FAM227B: variants seen among roughly 807,000 people sequenced by gnomAD.
FAM227B encodes the protein protein FAM227B.
A neutral mutation model predicts 73.8 loss-of-function variants in FAM227B; 88 were observed. The observed-to-expected ratio is 1.19, with a 90% confidence interval of 1.00 to 1.42. The LOEUF is 1.42. Ranked by LOEUF, FAM227B falls within the 40% of genes most tolerant of loss-of-function variation. The pLI, the probability that FAM227B is intolerant of heterozygous loss-of-function variation, is 0.00. For synonymous variants in FAM227B, 210 were observed against 190.5 expected (o/e 1.10, Z -0.84); for missense variants, 632 against 590.9 (o/e 1.07, Z -0.72).
intron 11 of FAM227B, among the ~76,000 whole-genome samples, chr15:49,462,840 GATAAATT>G (rs2151935241): frequency 1.3e-5 from 2 of 152,238 alleles, no homozygotes; most frequent in South Asian, 4.1e-4. Context: ...AAAGATTATT[GATAAATT>G]ATAAACGATA....
At chr15:49,513,289 C>A (rs1397332605) in intron 10 of FAM227B, among the ~76,000 whole-genome samples, 5 of 152,046 alleles carry the variant, frequency 3.3e-5, no homozygotes, top group African/African-American at 1.2e-4. Context: ...TTTCTAATAA[C>A]CACCATTCTG....
chr15:49,545,129 C>T (rs1014849803), intron 9 of FAM227B, among the ~76,000 whole-genome samples: 2 of 151,102 alleles, frequency 1.3e-5, no homozygotes, highest in African/African-American at 4.8e-5. Flanking sequence ...TCATCTGATC[C>T]TCAAACTTTT....
chr15:49,409,042 C>A (rs1393249613), intron 11 of FAM227B, among the ~76,000 whole-genome samples: 1 of 152,104 alleles, frequency 6.6e-6, no homozygotes, highest in Non-Finnish European at 1.5e-5. Context: ...TTTGATCTTT[C>A]TTCTTTTCTG....
chr15:49,528,659 T>A (rs935461307), intron 10 of FAM227B, among the ~76,000 whole-genome samples: 1 of 151,736 alleles, frequency 6.6e-6, no homozygotes, highest in Non-Finnish European at 1.5e-5. Flanking sequence ...CATTAAAAAG[T>A]GGGCAAAGGA....
At chr15:49,363,421 G>C (rs2151423756) in intron 13 of FAM227B, among the ~76,000 whole-genome samples, 1 of 152,248 alleles carries the variant, frequency 6.6e-6, no homozygotes. Flanking sequence ...TTGATTCTCA[G>C]CTTGGATGTT....
intron 13 of FAM227B, among the ~76,000 whole-genome samples, chr15:49,356,344 A>C (rs1022443544): frequency 6.6e-6 from 1 of 150,490 alleles, no homozygotes; most frequent in Non-Finnish European, 1.5e-5. Context: ...AACCCATCTC[A>C]TGTGCAGAGA....
At chr15:49,371,444 T>C (rs765648659) in intron 11 of FAM227B, 45 bp from the exon 12 acceptor site, 1 of 1,245,994 alleles carries the variant, frequency 8.0e-7, no homozygotes, top group South Asian at 1.3e-5. Flanking sequence ...GGTATTTTTT[T>C]CCTTCACAGA....
At chr15:49,597,563 G>C (rs1014118609) in intron 3 of FAM227B, among the ~76,000 whole-genome samples, 2 of 151,930 alleles carry the variant, frequency 1.3e-5, no homozygotes, top group African/African-American at 4.8e-5. Flanking sequence ...CAAGGAACCA[G>C]AGAAAACAGA....
intron 9 of FAM227B, among the ~76,000 whole-genome samples, chr15:49,552,838 T>A (rs1444269099): frequency 6.6e-6 from 1 of 152,168 alleles, no homozygotes; most frequent in African/African-American, 2.4e-5. Flanking sequence ...TATCTCTTTG[T>A]TAAGTTTATC....
At chr15:49,479,780 A>T (rs62009977) in intron 11 of FAM227B, among the ~76,000 whole-genome samples, 1 of 151,574 alleles carries the variant, frequency 6.6e-6, no homozygotes, top group Non-Finnish European at 1.5e-5. Flanking sequence ...TGCCTGGCTA[A>T]TTTTTGTATT....
chr15:49,578,130 C>A (rs1284698490), intron 5 of FAM227B, among the ~76,000 whole-genome samples: 1 of 152,186 alleles, frequency 6.6e-6, no homozygotes, highest in African/African-American at 2.4e-5. Context: ...AGTTCTAGAG[C>A]TGAAAGTATT....
At chr15:49,395,221 T>A (rs141045022) in intron 11 of FAM227B, among the ~76,000 whole-genome samples, 14 of 152,316 alleles carry the variant, frequency 9.2e-5, no homozygotes, top group African/African-American at 3.4e-4. Flanking sequence ...CTTTTTCTAT[T>A]GCTTTGTTTT....
chr15:49,370,164 T>C (rs2045714986), intron 12 of FAM227B, among the ~76,000 whole-genome samples: 1 of 152,192 alleles, frequency 6.6e-6, no homozygotes, highest in African/African-American at 2.4e-5. Context: ...ACCCAGTCCA[T>C]GGTATTTTGT....
At chr15:49,348,110 C>T (rs892069515) in intron 13 of FAM227B, among the ~76,000 whole-genome samples, 9 of 151,220 alleles carry the variant, frequency 6.0e-5, no homozygotes, top group African/African-American at 1.7e-4. Flanking sequence ...TAATTATGGG[C>T]CACAGATCAC....
At chr15:49,365,379 A>G (rs2044962604) in intron 13 of FAM227B, 2 of 1,255,182 alleles carry the variant, frequency 1.6e-6, no homozygotes, top group Non-Finnish European at 1.2e-6. Flanking sequence ...GAAACATAGT[A>G]TATATACGAA....
At chr15:49,588,360 C>G (rs905383332) in intron 4 of FAM227B, among the ~76,000 whole-genome samples, 52 of 150,164 alleles carry the variant, frequency 3.5e-4, no homozygotes, top group African/African-American at 1.3e-3. Flanking sequence ...TATGTCAATC[C>G]CTTCTCCTAA....
chr15:49,556,972 C>T (rs1009202191), intron 9 of FAM227B, among the ~76,000 whole-genome samples: 2 of 152,140 alleles, frequency 1.3e-5, no homozygotes, highest in Non-Finnish European at 1.5e-5. Flanking sequence ...TGGGTTGCCC[C>T]TTGCCTGCTC....
At chr15:49,493,576 C>T (rs79942015) in intron 11 of FAM227B, among the ~76,000 whole-genome samples, 2,592 of 152,050 alleles carry the variant, frequency 0.017, 26 homozygotes, top group Middle Eastern at 0.054. Context: ...TCCTGCCTTA[C>T]GATGATTTTT....
At chr15:49,405,162 T>G (rs1476688900) in intron 11 of FAM227B, among the ~76,000 whole-genome samples, 1 of 152,192 alleles carries the variant, frequency 6.6e-6, no homozygotes, top group African/African-American at 2.4e-5. Flanking sequence ...GACCTGATCT[T>G]TCTCTCTAGC....
Sources: gnomAD v4.1 joint callset for allele counts (sites outside exome capture counted in the v4.1 genomes callset) on GRCh38, gnomAD v4.1.1 for gene constraint, MANE v1.5 for transcripts, NCBI Gene and HGNC (gene_info 2026-07-23, HGNC 2026-07-21) for gene names.